Variants in EEF1AKMT1 observed in about 807,000 individuals in gnomAD.
EEF1AKMT1 encodes the protein EEF1A lysine methyltransferase 1.
Under a neutral mutation model 21.0 loss-of-function variants are expected in EEF1AKMT1, and 18 were observed. The observed-to-expected ratio is 0.86, with a 90% confidence interval of 0.59 to 1.27. EEF1AKMT1 has a LOEUF of 1.27. Among genes scored for constraint, EEF1AKMT1 ranks in the 50% most tolerant of loss-of-function variants. The pLI is 0.00. For synonymous variants in EEF1AKMT1, 109 were observed against 94.8 expected, an observed-to-expected ratio of 1.15 and a Z score of -0.87; for missense variants, 246 against 258.6, an observed-to-expected ratio of 0.95 and a Z score of 0.33.
At chr13:20,743,714 G>C (rs890127743) in intron 2 of EEF1AKMT1, among the ~76,000 whole-genome samples, 1 of 146,698 alleles carries the variant, frequency 6.8e-6, no homozygotes. Flanking sequence ...GGATACATGT[G>C]CAGAATGTGC....
At chr13:20,743,158 C>T (rs552224865) in intron 2 of EEF1AKMT1, among the ~76,000 whole-genome samples, 11 of 152,076 alleles carry the variant, frequency 7.2e-5, no homozygotes, top group Admixed American at 2.0e-4. Context: ...CCTCCACCTC[C>T]GAAATTGAAG....
In EEF1AKMT1 at chr13:20,731,979, A is replaced by G; in HGVS notation, c.370T>C (p.Leu124=). 1 of 1,614,254 alleles carries G rather than the reference A, an allele frequency of 6.2e-7. No individual in the cohort carries two copies. ...EFIFYDYNNP[L]DLPERIAAHS... ...GCAGCAATTCTTTCGGGTAAGTCCA[A>G]TGGATTATTGTAATCATAGAAAATA... The change falls in exon 4 of 5, where the codon TTG becomes CTG. Residue 124 remains leucine, a synonymous_variant. Transcript: ENST00000382758.
intron 2 of EEF1AKMT1, among the ~76,000 whole-genome samples, chr13:20,753,587 C>A (rs2248444): frequency 0.38 from 57,440 of 151,924 alleles, 11,949 homozygotes; most frequent in East Asian, 0.76. Context: ...TGCTTTATAC[C>A]TCAGATGCTC....
intron 4 of EEF1AKMT1, among the ~76,000 whole-genome samples, chr13:20,731,177 A>G (rs918383105): frequency 4.5e-4 from 29 of 64,984 alleles, no homozygotes; most frequent in African/African-American, 9.1e-4. Context: ...ACACCTGGCT[A>G]ATGTTTAAAA....
At chr13:20,730,772 C>T (rs2818987) in intron 4 of EEF1AKMT1, among the ~76,000 whole-genome samples, 40,931 of 152,020 alleles carry the variant, frequency 0.27, 7,060 homozygotes, top group East Asian at 0.76. Context: ...GTAGAATGGA[C>T]CAATAAGCAG....
intron 1 of EEF1AKMT1, among the ~76,000 whole-genome samples, chr13:20,758,745 A>C (rs910351894): frequency 1.2e-4 from 18 of 152,166 alleles, no homozygotes; most frequent in African/African-American, 4.1e-4. Context: ...CAAAGCTAGA[A>C]GCATCCCACT....
chr13:20,733,477 A>C (rs1038807747), intron 3 of EEF1AKMT1, among the ~76,000 whole-genome samples: 1 of 151,482 alleles, frequency 6.6e-6, no homozygotes. Context: ...GCCTGCCTTG[A>C]CCTCCTAAAG....
chr13:20,737,888 G>A, intron 2 of EEF1AKMT1, 83 bp from the exon 3 acceptor site: 2 of 875,494 alleles, frequency 2.3e-6, no homozygotes, highest in Non-Finnish European at 1.7e-6. Flanking sequence ...TATACCAGTG[G>A]ACAGATATTT....
At chr13:20,731,034 G>C (rs897685423) in intron 4 of EEF1AKMT1, among the ~76,000 whole-genome samples, 1 of 152,194 alleles carries the variant, frequency 6.6e-6, no homozygotes, top group Admixed American at 6.5e-5. Context: ...CGGAGGTGCC[G>C]CCTTTAAGAG....
chr13:20,731,513 T>G (rs1304023510), intron 4 of EEF1AKMT1, among the ~76,000 whole-genome samples: 1 of 152,170 alleles, frequency 6.6e-6, no homozygotes, highest in Non-Finnish European at 1.5e-5. Flanking sequence ...CTCTATAGAT[T>G]CCAAATTTCT....
intron 3 of EEF1AKMT1, 38 bp downstream of exon 3, chr13:20,737,685 T>C (rs2058833991): frequency 1.3e-6 from 2 of 1,534,110 alleles, no homozygotes; most frequent in Non-Finnish European, 1.8e-6. Flanking sequence ...ATTCAAAATA[T>C]TACATTAGAT....
In EEF1AKMT1 at chr13:20,731,864, C is replaced by T. The variant is rs779737549; in HGVS notation, c.485G>A (p.Arg162Gln). Residue 162 changes from arginine (R) to glutamine (Q), a missense_variant, in exon 4 of 5, where the codon CGG (arginine) becomes CAG (glutamine). Arg to Gln is a conservative substitution (Grantham distance 43). Transcript: ENST00000382758. The stretch of plus-strand genomic sequence containing the variant: ...ACCTGTGCACAGCAGAATCTTGCCC[C>T]GCGTCAGGTACTTGACGGTTTCCGA... ...KTSETVKYLT[R>Q]GKILLCTGAI... The T allele has an allele frequency of 3.8e-5, 61 of 1,613,684 alleles. No homozygotes were observed. The highest frequency in any genetic ancestry group is 1.6e-4 in the African/African-American group (12 of 74,900).
At chr13:20,761,108 G>T (rs78174035) in intron 1 of EEF1AKMT1, among the ~76,000 whole-genome samples, 3 of 152,140 alleles carry the variant, frequency 2.0e-5, no homozygotes, top group African/African-American at 7.2e-5. Flanking sequence ...TTATTTGCAG[G>T]CGTATGCACA....
chr13:20,729,074 C>A lies in EEF1AKMT1; in HGVS notation c.*6G>T, dbSNP rs1405546393. 2 of 1,614,134 alleles carry A rather than the reference C, an allele frequency of 1.2e-6. No homozygotes were observed. The highest frequency in any genetic ancestry group is 4.5e-5 in the East Asian group (2 of 44,876). On this transcript the variant is annotated 3_prime_UTR_variant, in exon 5 of 5. Coordinates refer to ENST00000382758, the MANE Select transcript of EEF1AKMT1 (RefSeq NM_001318939.2). ...GTTCCTTCCTGTGTTATGTCACCGTCTGTAATCAGATCCCACAGTCCAGCC... is the reference window on the plus strand; with the variant it reads ...GTTCCTTCCTGTGTTATGTCACCGTATGTAATCAGATCCCACAGTCCAGCC...
chr13:20,729,271 T>C, intron 4 of EEF1AKMT1, 55 bp from the exon 5 acceptor site: 1 of 1,606,878 alleles, frequency 6.2e-7, no homozygotes, highest in Non-Finnish European at 8.5e-7. Context: ...CGGAGCTCAG[T>C]GCGTCCTGAG....
At chr13:20,733,210 C>T (rs529722174) in intron 3 of EEF1AKMT1, among the ~76,000 whole-genome samples, 1 of 151,810 alleles carries the variant, frequency 6.6e-6, no homozygotes, top group African/African-American at 2.4e-5. Context: ...ATTCTCCTGC[C>T]TCAGCCTCCT....
At chr13:20,734,606 T>TTATTTATG (rs2058816249) in intron 3 of EEF1AKMT1, among the ~76,000 whole-genome samples, 3 of 136,674 alleles carry the variant, frequency 2.2e-5, no homozygotes, top group Admixed American at 1.6e-4. Context: ...ATTTATTTAT[T>TTATTTATG]TATTTGAGAC....
intron 4 of EEF1AKMT1, among the ~76,000 whole-genome samples, chr13:20,730,880 TTTTGCTC>T (rs2058789888): frequency 6.6e-6 from 1 of 152,108 alleles, no homozygotes; most frequent in South Asian, 2.1e-4. Flanking sequence ...AAGGTTTGTT[TTTTGCTC>T]TTCATAATAA....
At chr13:20,730,806 G>A (rs1439933452) in intron 4 of EEF1AKMT1, among the ~76,000 whole-genome samples, 1 of 152,174 alleles carries the variant, frequency 6.6e-6, no homozygotes, top group Non-Finnish European at 1.5e-5. Context: ...ACAAACGAGG[G>A]AATAAAAGCT....
Sources: allele counts gnomAD v4.1 joint callset (sites outside exome capture counted in the v4.1 genomes callset), GRCh38; gene constraint gnomAD v4.1.1; transcripts MANE v1.5; gene names NCBI Gene and HGNC (gene_info 2026-07-23, HGNC 2026-07-21).